The following DNAH17 variants were observed in gnomAD, a reference collection of about 807,000 sequenced individuals.
DNAH17 encodes dynein axonemal heavy chain 17.
DNAH17 carries 376 observed loss-of-function variants against 485.6 expected under a neutral mutation model. The observed-to-expected ratio is 0.77, with a 90% confidence interval of 0.71 to 0.84. The LOEUF is 0.84. Ranked by LOEUF, DNAH17 falls within the 40% of genes least tolerant of loss-of-function variation. The pLI is 0.00. For synonymous variants in DNAH17, 3,031 were observed against 2,405.9 expected (o/e 1.26, Z -7.60); for missense variants, 6,370 against 5,839.3 (o/e 1.09, Z -2.96).
At chr17:78,571,197 G>C (rs149045303) in intron 5 of DNAH17, 82 bp downstream of exon 5, 6 of 1,364,702 alleles carry the variant, frequency 4.4e-6, no homozygotes, top group East Asian at 2.4e-5. Flanking sequence ...CAACATCCTA[G>C]GGTTGGTGAC....
At chr17:78,569,870 G>A (rs1402245638) in intron 7 of DNAH17, among the ~76,000 whole-genome samples, 3 of 152,164 alleles carry the variant, frequency 2.0e-5, no homozygotes, top group East Asian at 3.9e-4. Flanking sequence ...CAGCTCGAAC[G>A]CCATGGCTGG....
At chr17:78,548,450 C>A (rs907754313) in intron 16 of DNAH17, among the ~76,000 whole-genome samples, 4 of 151,864 alleles carry the variant, frequency 2.6e-5, no homozygotes, top group Non-Finnish European at 2.9e-5. Flanking sequence ...GTGATCCACC[C>A]GCCTCGGCCT....
chr17:78,504,826 T>C (rs1438504749), intron 31 of DNAH17, among the ~76,000 whole-genome samples: 1 of 150,554 alleles, frequency 6.6e-6, no homozygotes, highest in Non-Finnish European at 1.5e-5. Flanking sequence ...AGTTCAGAGA[T>C]GTGCAACCCC....
At chr17:78,554,170 T>C (rs1386201836) in intron 14 of DNAH17, among the ~76,000 whole-genome samples, 1 of 152,094 alleles carries the variant, frequency 6.6e-6, no homozygotes, top group Non-Finnish European at 1.5e-5. Context: ...AATGGATCAG[T>C]GTTAACAATA....
Position 78,500,409 on chromosome 17 carries a change from C to T in DNAH17, c.5536G>A (p.Ala1846Thr), listed in dbSNP as rs752790825. 1.8e-5 allele frequency: 29 copies of T among 1,610,850 alleles called. No homozygotes were observed. The Admixed American group carries it at 2.0e-4, about 11-fold the overall frequency. ...SLHLIMGGAP[A>T]GPAGTGKTET... ...GTCTTGCCGGTCCCAGCGGGGCCGG[C>T]AGGGGCTCCACCCATGATGAGATGG... is the stretch of plus-strand genomic sequence containing the variant. The change falls in exon 36 of 81, where the codon GCC (alanine) becomes ACC (threonine). Residue 1846 changes from alanine to threonine, a missense_variant. By Grantham distance (58) the Ala-to-Thr change is moderately conservative. Coordinates refer to ENST00000389840, the MANE Select transcript of DNAH17 (RefSeq NM_173628.4).
At chr17:78,435,679 C>T (rs574686256) in intron 74 of DNAH17, among the ~76,000 whole-genome samples, 104 of 152,200 alleles carry the variant, frequency 6.8e-4, no homozygotes, top group Non-Finnish European at 1.2e-3. Flanking sequence ...AGTGTCGGGT[C>T]GCTGCAGAGT....
At chr17:78,453,493 A>G (rs1260291269) in intron 64 of DNAH17, 28 bp from the exon 65 acceptor site, 2 of 1,612,882 alleles carry the variant, frequency 1.2e-6, no homozygotes, top group Non-Finnish European at 1.7e-6. Flanking sequence ...AAGCTGGTTC[A>G]TGGCAGAGGG....
At chr17:78,440,866 T>TC (rs2087047532) in intron 72 of DNAH17, among the ~76,000 whole-genome samples, 185 bp downstream of exon 72, 1 of 152,134 alleles carries the variant, frequency 6.6e-6, no homozygotes, top group Admixed American at 6.6e-5. Context: ...CCTACAAGGG[T>TC]CGCAGTTCTC....
intron 51 of DNAH17, among the ~76,000 whole-genome samples, chr17:78,476,939 G>T (rs1400650454): frequency 1.3e-5 from 2 of 152,316 alleles, no homozygotes; most frequent in African/African-American, 4.8e-5. Flanking sequence ...TGTGTCCTGA[G>T]AGATGTGGAG....
chr17:78,510,467 A>C lies in DNAH17; in HGVS notation c.4153T>G (p.Leu1385Val), dbSNP rs369944014. 2.4e-5 allele frequency: 38 copies of C among 1,613,738 alleles called. No individual in the cohort carries two copies. Among genetic ancestry groups the C allele is most frequent in the Non-Finnish European group, 3.1e-5 (37 of 1,179,816 alleles). ...KMSEETTLAD[L>V]LQLNLHSYED... is the part of the protein sequence containing the mutation. The stretch of plus-strand genomic sequence containing the variant: ...TAACTGTGGAGGTTCAGCTGCAGTA[A>C]ATCTGCCAGGGTCGTCTCTTCTGAC... The change falls in exon 27 of 81, where the codon TTA becomes GTA. Residue 1385 changes from leucine (L) to valine (V), a missense_variant. Coordinates refer to ENST00000389840, the MANE Select transcript of DNAH17 (RefSeq NM_173628.4).
intron 25 of DNAH17, among the ~76,000 whole-genome samples, chr17:78,524,432 C>T (rs1298415219): frequency 6.6e-6 from 1 of 152,248 alleles, no homozygotes; most frequent in East Asian, 1.9e-4. Flanking sequence ...GCCACCACAC[C>T]GGGCCTGATT....
At chr17:78,559,180 C>T in intron 13 of DNAH17, among the ~76,000 whole-genome samples, 1 of 152,336 alleles carries the variant, frequency 6.6e-6, no homozygotes. Flanking sequence ...GTTGTGGCTA[C>T]AAGTACCATC....
rs1232451699 is a variant in DNAH17 at position 78,510,471 on chromosome 17, T to C, written c.4149A>G (p.Ala1383=). 7.4e-6 allele frequency: 12 copies of C among 1,613,902 alleles called. No homozygotes were observed. The highest frequency in any genetic ancestry group is 1.0e-5 in the Non-Finnish European group (12 of 1,179,834). The change falls in exon 27 of 81, where the codon GCA becomes GCG. Residue 1383 remains alanine (A), a synonymous_variant. Transcript: ENST00000389840. ...KFKMSEETTL[A]DLLQLNLHSY... is the part of the protein sequence containing the mutation. Reference sequence around the variant, plus strand: ...TGTGGAGGTTCAGCTGCAGTAAATCTGCCAGGGTCGTCTCTTCTGACATTT... The same window carrying C: ...TGTGGAGGTTCAGCTGCAGTAAATCCGCCAGGGTCGTCTCTTCTGACATTT...
chr17:78,456,582 G>A (rs998351768), intron 62 of DNAH17, among the ~76,000 whole-genome samples: 3 of 152,184 alleles, frequency 2.0e-5, no homozygotes, highest in African/African-American at 4.8e-5. Context: ...CATGGAATGG[G>A]GACTCCACGA....
intron 72 of DNAH17, 93 bp downstream of exon 72, chr17:78,440,958 G>T: frequency 6.9e-7 from 1 of 1,445,948 alleles, no homozygotes; most frequent in Middle Eastern, 1.7e-4. Context: ...GTGTGAAGTG[G>T]TGTCTCATGT....
Position 78,439,123 on chromosome 17 carries a change from C to T in DNAH17, c.11772G>A (p.Val3924=), listed in dbSNP as rs371266251. ...QEVVAENALD[V]AAEKGHWVIL... ...TGACCCAGTGTCCTTTCTCTGCAGCCACGTCCAGGGCGTTCTCAGCCACCA... is the reference window on the plus strand; with the variant it reads ...TGACCCAGTGTCCTTTCTCTGCAGCTACGTCCAGGGCGTTCTCAGCCACCA... Residue 3924 remains valine (V), a synonymous_variant, in exon 73 of 81, where the codon GTG becomes GTA. Coordinates refer to ENST00000389840, the MANE Select transcript of DNAH17 (RefSeq NM_173628.4). The T allele has an allele frequency of 2.5e-5, 40 of 1,613,474 alleles. No individual in the cohort carries two copies. The highest frequency in any genetic ancestry group is 3.4e-5 in the Non-Finnish European group (40 of 1,179,830).
chr17:78,564,996 C>T (rs2092238286), intron 11 of DNAH17, among the ~76,000 whole-genome samples: 1 of 152,176 alleles, frequency 6.6e-6, no homozygotes, highest in African/African-American at 2.4e-5. Flanking sequence ...GGTCTCCATC[C>T]TCCACCATCC....
chr17:78,449,625 T>G (rs780179338), intron 68 of DNAH17, 41 bp from the exon 69 acceptor site: 69 of 1,558,254 alleles, frequency 4.4e-5, no homozygotes, highest in Non-Finnish European at 4.9e-5. Context: ...CGTGCAGAGA[T>G]GGAGCCCTTC....
chr17:78,464,771 G>C (rs2088330222), intron 56 of DNAH17, among the ~76,000 whole-genome samples: 1 of 152,200 alleles, frequency 6.6e-6, no homozygotes, highest in South Asian at 2.1e-4. Flanking sequence ...ACTGGCCCTG[G>C]AGCCTTGGCT....
Sources: gnomAD v4.1 joint callset for allele counts (sites outside exome capture counted in the v4.1 genomes callset) on GRCh38, gnomAD v4.1.1 for gene constraint, MANE v1.5 for transcripts, NCBI Gene and HGNC (gene_info 2026-07-23, HGNC 2026-07-21) for gene names.